GLRA3: variants seen among roughly 807,000 people sequenced by gnomAD.
The protein encoded by GLRA3 is glycine receptor subunit alpha-3.
Under a neutral mutation model 60.4 loss-of-function variants are expected in GLRA3, and 44 were observed. The observed-to-expected ratio is 0.73, with a 90% CI of 0.57 to 0.94. GLRA3 has a LOEUF of 0.94. GLRA3 is among the 40% of genes least tolerant of loss of function. The pLI is 0.00. For synonymous variants in GLRA3, 223 were observed against 192.9 expected (o/e 1.16, Z -1.29); for missense variants, 508 against 564.6 (o/e 0.90, Z 1.02).
chr4:174,688,531 C>T (rs1734648837), intron 5 of GLRA3, among the ~76,000 whole-genome samples: 3 of 148,554 alleles, frequency 2.0e-5, no homozygotes, highest in Admixed American at 6.7e-5. Context: ...ATAGCAGGTG[C>T]TTGAATATTT....
intron 9 of GLRA3, among the ~76,000 whole-genome samples, chr4:174,655,340 G>T (rs1733157377): frequency 6.6e-6 from 1 of 152,030 alleles, no homozygotes; most frequent in Admixed American, 6.6e-5. Flanking sequence ...CCCCAAATTT[G>T]CCCAATGCTT....
intron 5 of GLRA3, among the ~76,000 whole-genome samples, chr4:174,691,330 G>A (rs968692708): frequency 1.3e-5 from 2 of 151,994 alleles, no homozygotes; most frequent in Non-Finnish European, 1.5e-5. Flanking sequence ...AAAATGTGCT[G>A]GCCACTTGTC....
intron 1 of GLRA3, among the ~76,000 whole-genome samples, chr4:174,806,632 G>T (rs1373178658): frequency 6.6e-6 from 1 of 151,924 alleles, no homozygotes; most frequent in East Asian, 1.9e-4. Context: ...CTTGTGTTAG[G>T]TATTATCAGT....
At chr4:174,788,722 T>C in intron 2 of GLRA3, 94 bp downstream of exon 2, 1 of 746,986 alleles carries the variant, frequency 1.3e-6, no homozygotes, top group South Asian at 3.5e-5. Context: ...TTGTTGAAAA[T>C]AAGCATTAGA....
chr4:174,732,891 A>G (rs1736610671), intron 3 of GLRA3, among the ~76,000 whole-genome samples: 1 of 152,078 alleles, frequency 6.6e-6, no homozygotes, highest in African/African-American at 2.4e-5. Flanking sequence ...CAACTTTATG[A>G]TAGTGATTAG....
At chr4:174,776,650 T>G (rs6857624) in intron 2 of GLRA3, among the ~76,000 whole-genome samples, 261 of 152,118 alleles carry the variant, frequency 1.7e-3, no homozygotes, top group Middle Eastern at 6.8e-3. Flanking sequence ...TTTTTTGGAG[T>G]GTTTGCCTCA....
intron 3 of GLRA3, among the ~76,000 whole-genome samples, chr4:174,739,999 C>T (rs376446740): frequency 7.9e-5 from 12 of 152,288 alleles, no homozygotes; most frequent in African/African-American, 2.9e-4. Flanking sequence ...TTCTGTATCG[C>T]CTCTGTAGGC....
intron 1 of GLRA3, among the ~76,000 whole-genome samples, chr4:174,800,640 G>A (rs1030118113): frequency 6.6e-6 from 1 of 151,644 alleles, no homozygotes. Context: ...TCTATCACTT[G>A]TCTCAGCCAC....
chr4:174,796,292 T>C (rs1173339086), intron 1 of GLRA3, among the ~76,000 whole-genome samples: 1 of 152,112 alleles, frequency 6.6e-6, no homozygotes, highest in Non-Finnish European at 1.5e-5. Flanking sequence ...CTTCCCAGCC[T>C]CAAGAACCAG....
intron 3 of GLRA3, among the ~76,000 whole-genome samples, chr4:174,741,784 T>G (rs1203692452): frequency 6.6e-6 from 1 of 152,156 alleles, no homozygotes; most frequent in Non-Finnish European, 1.5e-5. Context: ...GAGTACGTAT[T>G]GCAGCTTATT....
intron 3 of GLRA3, among the ~76,000 whole-genome samples, chr4:174,752,199 C>T (rs997339857): frequency 6.6e-6 from 1 of 151,884 alleles, no homozygotes; most frequent in Non-Finnish European, 1.5e-5. Context: ...AACAAGCATA[C>T]GATGTAGGGT....
In GLRA3 at chr4:174,642,686, C is replaced by T. The variant is rs1046946296; in HGVS notation, c.*1100G>A. 4.8e-5 allele frequency: 35 copies of T among 732,560 alleles called. No homozygotes were observed. Among genetic ancestry groups the T allele is most frequent in the Non-Finnish European group, 5.3e-5 (32 of 599,696 alleles). 45.4% of individuals were successfully genotyped at this position (732,560 alleles called of 1,614,324 possible). A position where few individuals can be genotyped will look rare whatever the true frequency, so the allele number is the denominator to read the frequency against. On this transcript the variant is annotated 3_prime_UTR_variant, in exon 10 of 10. Coordinates refer to ENST00000274093, the MANE Select transcript of GLRA3 (RefSeq NM_006529.4). Reference sequence around the variant, plus strand: ...ATTAATTCAGAAATAGAAAAAGAGTCCTCACTTTATAGAAATGACTTACTT... The same window carrying T: ...ATTAATTCAGAAATAGAAAAAGAGTTCTCACTTTATAGAAATGACTTACTT...
chr4:174,744,281 C>A (rs1737144952), intron 3 of GLRA3, among the ~76,000 whole-genome samples: 1 of 152,272 alleles, frequency 6.6e-6, no homozygotes, highest in African/African-American at 2.4e-5. Flanking sequence ...ACGCAATCAC[C>A]TACGTGGCCT....
intron 9 of GLRA3, among the ~76,000 whole-genome samples, chr4:174,644,405 A>ATTTT (rs35207319): frequency 3.5e-5 from 5 of 143,928 alleles, no homozygotes; most frequent in African/African-American, 1.1e-4. Flanking sequence ...CATAAACTAG[A>ATTTT]TTTTTTTTTT....
At chr4:174,766,775 T>C (rs569920823) in intron 3 of GLRA3, among the ~76,000 whole-genome samples, 188 bp downstream of exon 3, 19 of 152,202 alleles carry the variant, frequency 1.2e-4, no homozygotes, top group African/African-American at 4.6e-4. Flanking sequence ...CTTATATTTA[T>C]ATACTCTAAT....
At chr4:174,784,962 A>G (rs558410255) in intron 2 of GLRA3, among the ~76,000 whole-genome samples, 5 of 152,266 alleles carry the variant, frequency 3.3e-5, no homozygotes, top group East Asian at 3.9e-4. Flanking sequence ...AAAAGGAAAG[A>G]TAATGTTAAT....
At position 174,760,920 on chromosome 4, in the gene GLRA3, C is replaced by CA. The variant is rs556293072; in HGVS notation, c.267+6042dup. On this transcript the variant is annotated intron_variant, in intron 3 of 9. Coordinates refer to ENST00000274093, the MANE Select transcript of GLRA3 (RefSeq NM_006529.4). ...CTACATATACAAGCATGGAGTATCT[C>CA]AAAAAAAACATAAATTTATACCTGA... Among the ~76,000 whole-genome samples the CA allele has an allele frequency of 4.7e-3, 706 of 151,562 alleles. 2 individuals carry two copies. The highest frequency in any genetic ancestry group is 0.016 in the African/African-American group (673 of 41,342).
chr4:174,775,134 A>T (rs555143461), intron 2 of GLRA3, among the ~76,000 whole-genome samples: 2 of 152,328 alleles, frequency 1.3e-5, no homozygotes, highest in Non-Finnish European at 2.9e-5. Flanking sequence ...AGAAGAGCTT[A>T]TTATTCAAGA....
intron 4 of GLRA3, among the ~76,000 whole-genome samples, chr4:174,724,755 T>TC (rs1366810717): frequency 6.6e-6 from 1 of 152,228 alleles, no homozygotes; most frequent in Non-Finnish European, 1.5e-5. Flanking sequence ...TGTTTTGATT[T>TC]CCCCTTTATT....
Sources: allele counts gnomAD v4.1 joint callset (sites outside exome capture counted in the v4.1 genomes callset), GRCh38; gene constraint gnomAD v4.1.1; transcripts MANE v1.5; gene names NCBI Gene and HGNC (gene_info 2026-07-23, HGNC 2026-07-21).